The following ANO2 variants were observed in gnomAD, a reference collection of about 807,000 sequenced individuals.
ANO2 encodes anoctamin-2.
ANO2 carries 101 observed loss-of-function variants against 124.2 expected under a neutral mutation model. The ratio of observed to expected loss-of-function variants is 0.81; its 90% CI spans 0.69 to 0.96. ANO2 has a LOEUF of 0.96. Among genes scored for constraint, ANO2 ranks in the 40% least tolerant of loss-of-function variants. The pLI, the probability that ANO2 is intolerant of heterozygous loss-of-function variation, is 0.00. For synonymous variants in ANO2, 486 were observed against 482.5 expected, an observed-to-expected ratio of 1.01 and a Z score of -0.09; for missense variants, 1,293 against 1,274.5, an observed-to-expected ratio of 1.01 and a Z score of -0.22.
chr12:5,840,269 G>C lies in ANO2; in HGVS notation c.634-7666C>G, dbSNP rs576731514. On this transcript the variant is annotated intron_variant, in intron 4 of 24. Coordinates refer to ENST00000682330, the MANE Select transcript of ANO2 (RefSeq NM_001364791.2). ...TTTTTTATTCCAGGGCTCAAATGTG[G>C]TTCTCATAAAAGCTCACTTGGGCCT... Among the ~76,000 whole-genome samples, 4 of 152,164 alleles carry C rather than the reference G, an allele frequency of 2.6e-5. No individual in the cohort carries two copies. The South Asian group carries it at 8.3e-4, about 32-fold the overall frequency.
intron 1 of ANO2, among the ~76,000 whole-genome samples, chr12:5,928,577 T>G: frequency 1.3e-5 from 2 of 151,208 alleles, no homozygotes; most frequent in South Asian, 4.2e-4. Context: ...CTTACCAGTC[T>G]TCCTTCCTTA....
intron 7 of ANO2, among the ~76,000 whole-genome samples, chr12:5,816,752 A>G (rs1434116648): frequency 1.3e-5 from 2 of 152,142 alleles, no homozygotes; most frequent in East Asian, 3.8e-4. Context: ...AGACATACAC[A>G]TGGACATTAA....
intron 5 of ANO2, 101 bp downstream of exon 5, chr12:5,832,351 G>A (rs777922823): frequency 6.9e-5 from 96 of 1,397,202 alleles, no homozygotes; most frequent in Non-Finnish European, 9.2e-5. Flanking sequence ...CCAGGCACTG[G>A]GGCACCCACT....
At chr12:5,750,310 G>A (rs1011602147) in intron 11 of ANO2, among the ~76,000 whole-genome samples, 3 of 152,064 alleles carry the variant, frequency 2.0e-5, no homozygotes, top group South Asian at 2.1e-4. Flanking sequence ...CAAGAGTCCC[G>A]CCTTGGGGCT....
At chr12:5,930,956 G>A (rs1329708777) in intron 1 of ANO2, among the ~76,000 whole-genome samples, 1 of 152,028 alleles carries the variant, frequency 6.6e-6, no homozygotes, top group Non-Finnish European at 1.5e-5. Context: ...CAATGCACAT[G>A]CCCCCCTTTC....
At chr12:5,669,433 T>C (rs28602979) in intron 14 of ANO2, among the ~76,000 whole-genome samples, 1 of 152,120 alleles carries the variant, frequency 6.6e-6, no homozygotes, top group Non-Finnish European at 1.5e-5. Flanking sequence ...GCTTAAGAAG[T>C]TTTGGGGCTG....
intron 13 of ANO2, chr12:5,732,875 T>A (rs1302806542): frequency 6.2e-7 from 1 of 1,613,934 alleles, no homozygotes; most frequent in Admixed American, 1.7e-5. Context: ...CCTGGGCACG[T>A]TCCTGGGGAT....
intron 1 of ANO2, among the ~76,000 whole-genome samples, chr12:5,933,694 A>G (rs1942530518): frequency 6.6e-6 from 1 of 152,204 alleles, no homozygotes; most frequent in African/African-American, 2.4e-5. Flanking sequence ...TGACTGTTAC[A>G]TGTCTCTGCT....
At chr12:5,578,236 G>A (rs943358185) in intron 21 of ANO2, 130 bp downstream of exon 21, 4 of 1,361,468 alleles carry the variant, frequency 2.9e-6, no homozygotes, top group Middle Eastern at 2.7e-4. Context: ...TTCAGGATAT[G>A]AGGATGAGGG....
intron 24 of ANO2, 51 bp downstream of exon 24, chr12:5,565,507 T>C: frequency 6.9e-7 from 1 of 1,453,320 alleles, no homozygotes; most frequent in South Asian, 1.2e-5. Flanking sequence ...GCAGTGTCCT[T>C]ACTCCTGCAG....
chr12:5,880,861 T>A (rs1938444142), intron 3 of ANO2, among the ~76,000 whole-genome samples: 1 of 147,522 alleles, frequency 6.8e-6, no homozygotes, highest in Non-Finnish European at 1.5e-5. Flanking sequence ...GGTGGATAGA[T>A]GGATGAGTGG....
At chr12:5,649,786 G>T (rs1946823566) in intron 14 of ANO2, among the ~76,000 whole-genome samples, 1 of 93,588 alleles carries the variant, frequency 1.1e-5, no homozygotes, top group African/African-American at 4.8e-5. Context: ...TTGTGCATGT[G>T]TGCATGTGTG....
intron 10 of ANO2, among the ~76,000 whole-genome samples, chr12:5,788,964 T>C (rs1164910597): frequency 2.6e-5 from 4 of 152,216 alleles, no homozygotes; most frequent in African/African-American, 9.6e-5. Flanking sequence ...TTCTTTCGCA[T>C]CATCCCCATA....
Position 5,757,654 on chromosome 12 carries a change from C to A in ANO2, c.1056-6684G>T, listed in dbSNP as rs554085374. On this transcript the variant is annotated intron_variant, in intron 10 of 24. Coordinates refer to ENST00000682330, the MANE Select transcript of ANO2 (RefSeq NM_001364791.2). ...CAAGAGAATATAGTTCCCAGCCTAA[C>A]AACAAGAGAAATCTGGATAATCTGT... Among the ~76,000 whole-genome samples, 90 of 152,302 alleles carry A rather than the reference C, an allele frequency of 5.9e-4. 1 individual carries two copies. The highest frequency in any genetic ancestry group is 2.1e-3 in the African/African-American group (86 of 41,572).
In ANO2 at chr12:5,939,704, C is replaced by T. The variant is rs377468378; in HGVS notation, c.22+5492G>A. ...TTCCTGTTTTCCGAAAGGTAGAAAG[C>T]GCATGGAAGAACAGGCATGGAAGGC... On this transcript the variant is annotated intron_variant, in intron 1 of 24. Coordinates refer to ENST00000682330, the MANE Select transcript of ANO2 (RefSeq NM_001364791.2). Among the ~76,000 whole-genome samples the T allele has an allele frequency of 8.5e-5, 13 of 152,324 alleles. No homozygotes were observed. In the South Asian group the frequency reaches 1.2e-3, roughly 15 times the overall value.
intron 14 of ANO2, among the ~76,000 whole-genome samples, chr12:5,710,920 G>A (rs1276606893): frequency 6.6e-6 from 1 of 152,030 alleles, no homozygotes; most frequent in African/African-American, 2.4e-5. Flanking sequence ...CCAGCACTTT[G>A]GGAGGCCGAG....
At chr12:5,573,153 G>A (rs1942220287) in intron 23 of ANO2, among the ~76,000 whole-genome samples, 1 of 152,198 alleles carries the variant, frequency 6.6e-6, no homozygotes, top group South Asian at 2.1e-4. Context: ...GCAGAGACTG[G>A]ATTTGGGCAG....
At chr12:5,905,992 G>A (rs1446470318) in intron 3 of ANO2, among the ~76,000 whole-genome samples, 1 of 152,190 alleles carries the variant, frequency 6.6e-6, no homozygotes, top group East Asian at 1.9e-4. Flanking sequence ...AGGGTGGGTG[G>A]CTCTGAGCGG....
At chr12:5,740,760 C>T (rs1023328169) in intron 12 of ANO2, 6 of 152,234 alleles carry the variant, frequency 3.9e-5, no homozygotes, top group Non-Finnish European at 5.9e-5. Flanking sequence ...TGGCTCCTTA[C>T]AGTCTAAGTT....
Sources: allele counts gnomAD v4.1 joint callset (sites outside exome capture counted in the v4.1 genomes callset), GRCh38; gene constraint gnomAD v4.1.1; transcripts MANE v1.5; gene names NCBI Gene and HGNC (gene_info 2026-07-23, HGNC 2026-07-21).